SEMA3D: variants seen among roughly 807,000 people sequenced by gnomAD.
The protein encoded by SEMA3D is semaphorin-3D.
A neutral mutation model predicts 100.1 loss-of-function variants in SEMA3D; 84 were observed. That is an observed-to-expected ratio of 0.84 (90% CI 0.70 to 1.01). SEMA3D has a LOEUF of 1.01. SEMA3D is among the 50% of genes least tolerant of loss of function. The pLI is 0.00. For missense variants in SEMA3D, 875 were observed against 934.1 expected, an observed-to-expected ratio of 0.94 and a Z score of 0.82; for synonymous variants, 312 against 320.7, an observed-to-expected ratio of 0.97 and a Z score of 0.29.
At chr7:85,202,105 T>G in the SEMA3D span, among the ~76,000 whole-genome samples, 1 of 151,602 alleles carries the variant, frequency 6.6e-6, no homozygotes, top group Non-Finnish European at 1.5e-5. Context: ...ATGTGCACAT[T>G]GTGCAGGTTA....
chr7:85,167,494 G>T, intron 1 of SEMA3D: 1 of 455,406 alleles, frequency 2.2e-6, no homozygotes, highest in Non-Finnish European at 2.9e-6. Context: ...GTAAGAATGT[G>T]ACTTTGCCCA....
intron 8 of SEMA3D, among the ~76,000 whole-genome samples, chr7:85,060,039 C>T (rs540410523): frequency 1.3e-5 from 2 of 152,164 alleles, no homozygotes; most frequent in African/African-American, 4.8e-5. Context: ...GGATATTTTT[C>T]CAAGTGATAT....
intron 1 of SEMA3D, among the ~76,000 whole-genome samples, chr7:85,168,616 AAT>A (rs1562842891): frequency 1.2e-5 from 1 of 82,602 alleles, no homozygotes; most frequent in Non-Finnish European, 2.3e-5. Context: ...CGGTTTCTGC[AAT>A]TTTTTTTTTT....
At chr7:85,248,751 A>C in the SEMA3D span, among the ~76,000 whole-genome samples, 7 of 152,264 alleles carry the variant, frequency 4.6e-5, no homozygotes, top group East Asian at 1.4e-3. Context: ...TATGATTCTA[A>C]TAAATCATAT....
chr7:85,071,668 C>T (rs1328634847), intron 6 of SEMA3D, among the ~76,000 whole-genome samples: 1 of 152,142 alleles, frequency 6.6e-6, no homozygotes, highest in Non-Finnish European at 1.5e-5. Flanking sequence ...TAGCCTATTG[C>T]TCCTAGATTA....
At chr7:85,097,613 T>C (rs1173603584) in intron 4 of SEMA3D, among the ~76,000 whole-genome samples, 192 bp downstream of exon 4, 3 of 151,964 alleles carry the variant, frequency 2.0e-5, no homozygotes, top group Non-Finnish European at 2.9e-5. Flanking sequence ...ATAAAGAACA[T>C]GCATATGTAC....
At chr7:85,192,848 G>A in the SEMA3D span, among the ~76,000 whole-genome samples, 1 of 151,952 alleles carries the variant, frequency 6.6e-6, no homozygotes, top group Non-Finnish European at 1.5e-5. Flanking sequence ...ATCAAGCAAA[G>A]TTTTACTTTC....
intron 2 of SEMA3D, among the ~76,000 whole-genome samples, chr7:85,131,376 A>C (rs528442723): frequency 1.3e-5 from 2 of 152,240 alleles, no homozygotes; most frequent in South Asian, 4.1e-4. Flanking sequence ...ATTATGAAGG[A>C]TATAACATAA....
intron 1 of SEMA3D, among the ~76,000 whole-genome samples, chr7:85,185,544 C>T (rs2116590325): frequency 6.6e-6 from 1 of 152,286 alleles, no homozygotes; most frequent in African/African-American, 2.4e-5. Context: ...GAGGCGAAAT[C>T]GCTGAAAGTT....
intron 1 of SEMA3D, among the ~76,000 whole-genome samples, chr7:85,168,878 AAAAG>A (rs1299034860): frequency 7.2e-6 from 1 of 138,074 alleles, no homozygotes; most frequent in Non-Finnish European, 1.6e-5. Context: ...AGAAAGAAAG[AAAAG>A]AAAGAAAGAA....
rs999938010 is a variant in SEMA3D, at chr7:85,028,306, T to C, written c.1192-5693A>G. The C allele has an allele frequency of 9.9e-6, 7 of 709,962 alleles. No individual in the cohort carries two copies. The Middle Eastern group carries it at 1.1e-3, about 116-fold the overall frequency. 44.0% of individuals were successfully genotyped at this position (709,962 alleles called of 1,614,324 possible). On this transcript the variant is annotated intron_variant, in intron 12 of 18. Transcript: ENST00000284136. ...CTCTCAGCATCAGGGCTATCAAAGATGCTGGAACTATTGCTGGTCTCAATG... is the reference window on the plus strand; with the variant it reads ...CTCTCAGCATCAGGGCTATCAAAGACGCTGGAACTATTGCTGGTCTCAATG...
At chr7:85,007,861 G>C (rs1280687265) in intron 17 of SEMA3D, among the ~76,000 whole-genome samples, 6 of 151,798 alleles carry the variant, frequency 4.0e-5, no homozygotes, top group Non-Finnish European at 8.8e-5. Context: ...CTAAACCTAA[G>C]CATACAAATG....
chr7:85,128,231 A>G (rs4537247), intron 2 of SEMA3D, among the ~76,000 whole-genome samples: 87,191 of 151,720 alleles, frequency 0.57, 26,405 homozygotes, highest in African/African-American at 0.78. Flanking sequence ...GCAGTGGAGC[A>G]ATATCTGCTC....
At chr7:85,016,776 C>A (rs1790115528) in intron 15 of SEMA3D, among the ~76,000 whole-genome samples, 1 of 145,796 alleles carries the variant, frequency 6.9e-6, no homozygotes, top group Non-Finnish European at 1.5e-5. Flanking sequence ...GTTTGTTTTC[C>A]TTTTCAATGG....
At chr7:85,113,876 T>C (rs2116375014) in intron 3 of SEMA3D, among the ~76,000 whole-genome samples, 1 of 152,290 alleles carries the variant, frequency 6.6e-6, no homozygotes. Context: ...TGCCTGCAAC[T>C]TGGGTTTACA....
At chr7:85,220,121 G>T in the SEMA3D span, among the ~76,000 whole-genome samples, 1 of 151,934 alleles carries the variant, frequency 6.6e-6, no homozygotes, top group Non-Finnish European at 1.5e-5. Context: ...ACTTTAGTTT[G>T]CCTTATTCTT....
chr7:85,221,899 T>C, the SEMA3D span, among the ~76,000 whole-genome samples: 2 of 152,186 alleles, frequency 1.3e-5, no homozygotes, highest in Non-Finnish European at 2.9e-5. Flanking sequence ...TTATCACACA[T>C]AGGTTAATAT....
rs919327124 is a variant in SEMA3D, at chr7:85,167,419, C to G, written c.-172-13680G>C. On this transcript the variant is annotated intron_variant, in intron 1 of 18. Transcript: ENST00000284136. ...TCGGTGGTTGTGTTATAAATTTTCA[C>G]CTTTGAATGATATAATTTACTGTGA... The G allele has an allele frequency of 1.9e-5, 19 of 979,272 alleles. No individual in the cohort carries two copies. In the African/African-American group the frequency reaches 3.3e-4, roughly 17 times the overall value. The allele number at this position is 979,272 out of a possible 1,614,324, so 60.7% of individuals were successfully genotyped here. A position where few individuals can be genotyped will look rare whatever the true frequency, so the allele number is the denominator to read the frequency against.
the SEMA3D span, among the ~76,000 whole-genome samples, chr7:85,245,681 A>G: frequency 6.6e-6 from 1 of 152,186 alleles, no homozygotes; most frequent in East Asian, 1.9e-4. Flanking sequence ...TATGTGAGTA[A>G]TTATCAATCT....
Sources: gnomAD v4.1 joint callset for allele counts (sites outside exome capture counted in the v4.1 genomes callset) on GRCh38, gnomAD v4.1.1 for gene constraint, MANE v1.5 for transcripts, NCBI Gene and HGNC (gene_info 2026-07-23, HGNC 2026-07-21) for gene names.